The following BARHL2 variants were observed in gnomAD, a reference collection of about 807,000 sequenced individuals.
BARHL2 encodes the protein barH-like 2 homeobox protein.
A neutral mutation model predicts 27.1 loss-of-function variants in BARHL2; 10 were observed. The observed-to-expected ratio is 0.37, with a 90% CI of 0.23 to 0.63. BARHL2 has a LOEUF of 0.63. Among genes scored for constraint, BARHL2 ranks in the 20% least tolerant of loss-of-function variants. BARHL2 has a pLI of 0.65. For missense variants in BARHL2, 483 were observed against 533.5 expected, an observed-to-expected ratio of 0.91 and a Z score of 0.93; for synonymous variants, 248 against 224.7, an observed-to-expected ratio of 1.10 and a Z score of -0.93.
rs201344199 is a variant in BARHL2, at chr1:90,717,227, C to T, written c.-32G>A. 1.3e-6 allele frequency: 2 copies of T among 1,590,488 alleles called. No individual in the cohort carries two copies. Among genetic ancestry groups the T allele is most frequent in the East Asian group, 4.6e-5 (2 of 43,480 alleles). On this transcript the variant is annotated 5_prime_UTR_variant, in exon 1 of 3. Coordinates refer to ENST00000370445, the MANE Select transcript of BARHL2 (RefSeq NM_020063.2). ...ATGAGGTCCACGCCACTCCGCCGTTCAGCAGCCGCCCCGAACCAGCGAAGA... is the reference window on the plus strand; with the variant it reads ...ATGAGGTCCACGCCACTCCGCCGTTTAGCAGCCGCCCCGAACCAGCGAAGA...
chr1:90,716,754 A>G lies in BARHL2; in HGVS notation c.442T>C (p.Leu148=), dbSNP rs1658154721. 1.3e-6 allele frequency: 2 copies of G among 1,581,494 alleles called. No individual in the cohort carries two copies. Among genetic ancestry groups the G allele is most frequent in the Non-Finnish European group, 1.7e-6 (2 of 1,162,618 alleles). The part of the protein sequence containing the change: ...STSSFLIKDI[L]GDSKPLAACA... The stretch of plus-strand genomic sequence containing the variant: ...GCCGCCAGAGGTTTGCTGTCGCCCA[A>G]GATGTCCTTAATTAAAAAAGAAGAC... The change falls in exon 1 of 3, where the codon TTG becomes CTG. Residue 148 remains leucine, a synonymous_variant. Transcript: ENST00000370445.
At chr1:90,715,851 T>G (rs529513994) in intron 1 of BARHL2, among the ~76,000 whole-genome samples, 1 of 144,128 alleles carries the variant, frequency 6.9e-6, no homozygotes, top group African/African-American at 2.4e-5. Flanking sequence ...ATTTTTTTTT[T>G]AACAAAAAAG....
rs1570608779 is a variant in BARHL2 at position 90,716,821 on chromosome 1, G to GGGGGGC, written c.369_374dup (p.Pro124_Pro125dup). Reference sequence around the variant, plus strand: ...CCGAGGCGGCCGAGCCCAGCTGCTGGGGGGGCGGCGGCGGCGGCTGCTGTG... The same window carrying GGGGGGC: ...CCGAGGCGGCCGAGCCCAGCTGCTGGGGGGGCGGGGGCGGCGGCGGCGGCTGCTGTG... On this transcript the variant is annotated inframe_insertion, in exon 1 of 3. Coordinates refer to ENST00000370445, the MANE Select transcript of BARHL2 (RefSeq NM_020063.2). The GGGGGGC allele has an allele frequency of 1.3e-6, 2 of 1,552,400 alleles. No homozygotes were observed. Among genetic ancestry groups the GGGGGGC allele is most frequent in the East Asian group, 2.4e-5 (1 of 40,980 alleles).
In BARHL2 at chr1:90,712,008, T is replaced by G; in HGVS notation, c.*304A>C. The G allele has an allele frequency of 8.4e-6, 2 of 237,772 alleles. No individual in the cohort carries two copies. Among genetic ancestry groups the G allele is most frequent in the East Asian group, 7.8e-5 (1 of 12,872 alleles). 14.7% of individuals were successfully genotyped at this position (237,772 alleles called of 1,614,324 possible). On this transcript the variant is annotated 3_prime_UTR_variant, in exon 3 of 3. Coordinates refer to ENST00000370445, the MANE Select transcript of BARHL2 (RefSeq NM_020063.2). ...TCATTTTTGAAAAAGAATTTGAGGT[T>G]TTGTTTTTGTTGATGTTTTCACTTA...
intron 2 of BARHL2, among the ~76,000 whole-genome samples, chr1:90,713,381 T>TCCCTCC (rs1417474915): frequency 6.6e-6 from 1 of 152,050 alleles, no homozygotes; most frequent in Non-Finnish European, 1.5e-5. Context: ...CTCAGTCTCC[T>TCCCTCC]CCCTCCCCCG....
rs752818347 is a variant in BARHL2 at position 90,716,556 on chromosome 1, G to A, written c.625+15C>T. On this transcript the variant is annotated intron_variant, in intron 1 of 2. Coordinates refer to ENST00000370445, the MANE Select transcript of BARHL2 (RefSeq NM_020063.2). ...ACAAGCTAGACGGCCGAGAGCGCCG[G>A]GTGGCGGGACTCACCGTGGCATTTG... The A allele has an allele frequency of 2.5e-6, 4 of 1,612,636 alleles. No homozygotes were observed. In the African/African-American group the frequency reaches 5.3e-5, roughly 22 times the overall value.
intron 2 of BARHL2, among the ~76,000 whole-genome samples, chr1:90,712,851 T>C (rs1292944652): frequency 6.6e-6 from 1 of 152,192 alleles, no homozygotes; most frequent in Non-Finnish European, 1.5e-5. Flanking sequence ...CTTCAGTGGC[T>C]GAGACCCTCA....
At chr1:90,713,159 A>G (rs1658073212) in intron 2 of BARHL2, among the ~76,000 whole-genome samples, 1 of 152,040 alleles carries the variant, frequency 6.6e-6, no homozygotes, top group South Asian at 2.1e-4. Flanking sequence ...CAGGGCTGGG[A>G]GACATATTTC....
At chr1:90,716,534 A>G in intron 1 of BARHL2, 37 bp downstream of exon 1, 1 of 1,603,532 alleles carries the variant, frequency 6.2e-7, no homozygotes, top group East Asian at 2.2e-5. Context: ...CAGGAGGACA[A>G]GCTAGACGGC....
chr1:90,716,424 C>CT (rs1658145156), intron 1 of BARHL2, 147 bp downstream of exon 1: 2 of 831,816 alleles, frequency 2.4e-6, no homozygotes, highest in African/African-American at 1.7e-5. Flanking sequence ...CCAGGCCTCC[C>CT]TTCAGCTGCA....
rs1263872112 is a variant in BARHL2, at chr1:90,712,568, T to C, written c.908A>G (p.Asn303Ser). Residue 303 changes from asparagine (N) to serine (S), a missense_variant, in exon 3 of 3, where the codon AAC (asparagine) becomes AGC (serine). Physicochemically the swap from Asn to Ser is conservative, Grantham distance 46. Coordinates refer to ENST00000370445, the MANE Select transcript of BARHL2 (RefSeq NM_020063.2). ...VGLELLAEAGNYSALQRMFPS... is the reference protein window; with the variant it reads ...VGLELLAEAGSYSALQRMFPS... Reference sequence around the variant, plus strand: ...AAACATCCTCTGCAGCGCCGAGTAGTTCCCTGCCTCGGCCAGCAACTCCAG... The same window carrying C: ...AAACATCCTCTGCAGCGCCGAGTAGCTCCCTGCCTCGGCCAGCAACTCCAG... The C allele has an allele frequency of 6.2e-7, 1 of 1,613,460 alleles. No homozygotes were observed. The highest frequency in any genetic ancestry group is 1.7e-5 in the Admixed American group (1 of 59,982).
chr1:90,714,824 C>T, intron 1 of BARHL2, 68 bp from the exon 2 acceptor site: 1 of 1,470,670 alleles, frequency 6.8e-7, no homozygotes, highest in Non-Finnish European at 9.5e-7. Context: ...GTCCTCCTGG[C>T]ATACACTTCC....
At chr1:90,714,834 C>A in intron 1 of BARHL2, 78 bp from the exon 2 acceptor site, 2 of 1,422,482 alleles carry the variant, frequency 1.4e-6, no homozygotes, top group Middle Eastern at 1.8e-4. Context: ...CATACACTTC[C>A]ACATTCCCAA....
chr1:90,714,634 T>G lies in BARHL2; in HGVS notation c.748A>C (p.Ser250Arg). ...CTCAGGTACTTCTGCCGCTCAAAGC[T>G]ACGCTCCAGTTGATTGAGCTGGTGG... is the stretch of plus-strand genomic sequence containing the variant. ...SDHQLNQLER[S>R]FERQKYLSVQ... The change falls in exon 2 of 3, where the codon AGC (serine) becomes CGC (arginine). Residue 250 changes from serine (S) to arginine (R), a missense_variant. Physicochemically the swap from Ser to Arg is moderately radical, Grantham distance 110 (BLOSUM62 -1). Coordinates refer to ENST00000370445, the MANE Select transcript of BARHL2 (RefSeq NM_020063.2). 6.2e-7 allele frequency: 1 copy of G among 1,614,246 alleles called. No individual in the cohort carries two copies. The highest frequency in any genetic ancestry group is 8.5e-7 in the Non-Finnish European group (1 of 1,180,042).
rs543561211 is a variant in BARHL2 at position 90,717,223 on chromosome 1, C to A, written c.-28G>T. On this transcript the variant is annotated 5_prime_UTR_variant, in exon 1 of 3. Transcript: ENST00000370445. ...CTACATGAGGTCCACGCCACTCCGC[C>A]GTTCAGCAGCCGCCCCGAACCAGCG... 5.3e-5 allele frequency: 85 copies of A among 1,591,616 alleles called. No individual in the cohort carries two copies. Among genetic ancestry groups the A allele is most frequent in the Non-Finnish European group, 6.8e-5 (80 of 1,172,984 alleles).
At chr1:90,714,455 G>A (rs568824692) in intron 2 of BARHL2, 76 bp downstream of exon 2, 5 of 1,404,186 alleles carry the variant, frequency 3.6e-6, no homozygotes, top group Non-Finnish European at 5.0e-6. Flanking sequence ...CTGGAGGCCA[G>A]GAGGGAAGAA....
At chr1:90,715,256 T>C (rs574559975) in intron 1 of BARHL2, among the ~76,000 whole-genome samples, 1 of 151,540 alleles carries the variant, frequency 6.6e-6, no homozygotes, top group Non-Finnish European at 1.5e-5. Flanking sequence ...GTGTTTGTTT[T>C]ACTTTTTCAG....
chr1:90,714,614 G>A lies in BARHL2; in HGVS notation c.768C>T (p.Tyr256=), dbSNP rs371535178. 8 of 1,614,220 alleles carry A rather than the reference G, an allele frequency of 5.0e-6. No individual in the cohort carries two copies. Among genetic ancestry groups the A allele is most frequent in the South Asian group, 2.2e-5 (2 of 91,080 alleles). Reference sequence around the variant, plus strand: ...GGTCCATGCGATCCTGCACGCTCAGGTACTTCTGCCGCTCAAAGCTACGCT... The same window carrying A: ...GGTCCATGCGATCCTGCACGCTCAGATACTTCTGCCGCTCAAAGCTACGCT... ...QLERSFERQK[Y]LSVQDRMDLA... is the part of the protein sequence containing the mutation. Residue 256 remains tyrosine (Y), a synonymous_variant, in exon 2 of 3, where the codon TAC becomes TAT. Coordinates refer to ENST00000370445, the MANE Select transcript of BARHL2 (RefSeq NM_020063.2).
chr1:90,716,885 C>T lies in BARHL2; in HGVS notation c.311G>A (p.Ser104Asn). ...PPPPAAAPTQ[S>N]LQPLPQQQQP... is the part of the protein sequence containing the mutation. The stretch of plus-strand genomic sequence containing the variant: ...CTGCTGTTGGGGCAAAGGCTGCAAA[C>T]TTTGCGTCGGGGCCGCGGCCGGCGG... The change falls in exon 1 of 3, where the codon AGT becomes AAT. Residue 104 changes from serine to asparagine, a missense_variant. By Grantham distance (46) the Ser-to-Asn change is conservative. Transcript: ENST00000370445. 1.3e-6 allele frequency: 2 copies of T among 1,590,126 alleles called. No homozygotes were observed. The highest frequency in any genetic ancestry group is 1.7e-6 in the Non-Finnish European group (2 of 1,169,314).
Sources: gnomAD v4.1 joint callset for allele counts (sites outside exome capture counted in the v4.1 genomes callset) on GRCh38, gnomAD v4.1.1 for gene constraint, MANE v1.5 for transcripts, NCBI Gene and HGNC (gene_info 2026-07-23, HGNC 2026-07-21) for gene names.